IFNGR2: variants seen among roughly 807,000 people sequenced by gnomAD.
The protein encoded by IFNGR2 is IFN-gamma receptor 2.
In IFNGR2, 15 loss-of-function variants were observed where a neutral mutation model predicts 41.1. That is an observed-to-expected ratio of 0.37 (90% CI 0.24 to 0.56). The LOEUF is 0.56. Among genes scored for constraint, IFNGR2 ranks in the 20% least tolerant of loss-of-function variants. The pLI is 0.81. For missense variants in IFNGR2, 362 were observed against 415.7 expected, an observed-to-expected ratio of 0.87 and a Z score of 1.12; for synonymous variants, 161 against 171.6, an observed-to-expected ratio of 0.94 and a Z score of 0.48.
chr21:33,416,498 G>A (rs2123341333), intron 2 of IFNGR2, among the ~76,000 whole-genome samples: 1 of 152,200 alleles, frequency 6.6e-6, no homozygotes, highest in East Asian at 1.9e-4. Flanking sequence ...AATAGAAAGG[G>A]GCCGATCATG....
chr21:33,406,249 G>A (rs997345640), intron 1 of IFNGR2, among the ~76,000 whole-genome samples: 2 of 151,368 alleles, frequency 1.3e-5, no homozygotes, highest in African/African-American at 4.9e-5. Flanking sequence ...GGTGGTTGGC[G>A]CCTGTAATCC....
chr21:33,412,055 C>G (rs942866842), intron 1 of IFNGR2, among the ~76,000 whole-genome samples: 2 of 152,178 alleles, frequency 1.3e-5, no homozygotes, highest in Non-Finnish European at 2.9e-5. Context: ...CCTTGAGCAG[C>G]TGGGACTACA....
rs2083896619 is a variant in IFNGR2, at chr21:33,432,300, T to C, written c.685T>C (p.Leu229=). The C allele has an allele frequency of 1.9e-6, 3 of 1,614,140 alleles. No individual in the cohort carries two copies. The highest frequency in any genetic ancestry group is 2.5e-6 in the Non-Finnish European group (3 of 1,179,960). Residue 229 remains leucine, a synonymous_variant, in exon 5 of 7, where the codon TTA becomes CTA. Coordinates refer to ENST00000290219, the MANE Select transcript of IFNGR2 (RefSeq NM_005534.4). ...NKSNIFRVGH[L]SNISCYETMA... ...AAGTAACATCTTTAGAGTCGGGCAT[T>C]TAAGCAACATATCTTGCTACGAAAC...
At chr21:33,426,685 A>C (rs896258091) in intron 3 of IFNGR2, among the ~76,000 whole-genome samples, 199 bp from the exon 4 acceptor site, 1 of 151,952 alleles carries the variant, frequency 6.6e-6, no homozygotes, top group Non-Finnish European at 1.5e-5. Context: ...GCACAACTGC[A>C]CTCTAGCCTG....
rs117145124 is a variant in IFNGR2 at position 33,429,602 on chromosome 21, G to A, written c.561+2570G>A. 3.0e-4 allele frequency among the ~76,000 whole-genome samples: 46 copies of A among 152,274 alleles called. No individual in the cohort carries two copies. The East Asian group carries it at 8.1e-3, about 27-fold the overall frequency. ...TGAGTCACGCAGGATACACTTCATT[G>A]CTCCACCAGCAAGCTGTGACTGCAC... On this transcript the variant is annotated intron_variant, in intron 4 of 6. Coordinates refer to ENST00000290219, the MANE Select transcript of IFNGR2 (RefSeq NM_005534.4).
intron 2 of IFNGR2, among the ~76,000 whole-genome samples, chr21:33,420,469 G>T (rs964545821): frequency 6.6e-6 from 1 of 152,118 alleles, no homozygotes; most frequent in African/African-American, 2.4e-5. Flanking sequence ...AAGGATGTGT[G>T]GCCATGTATT....
At chr21:33,404,229 A>G (rs1208340346) in intron 1 of IFNGR2, among the ~76,000 whole-genome samples, 2 of 152,224 alleles carry the variant, frequency 1.3e-5, no homozygotes, top group Non-Finnish European at 2.9e-5. Context: ...TTGTAGTAGC[A>G]GCGGTGGAGC....
At chr21:33,420,474 T>A (rs534929560) in intron 2 of IFNGR2, among the ~76,000 whole-genome samples, 2 of 152,244 alleles carry the variant, frequency 1.3e-5, no homozygotes, top group African/African-American at 4.8e-5. Context: ...TGTGTGGCCA[T>A]GTATTTGGCA....
intron 2 of IFNGR2, among the ~76,000 whole-genome samples, chr21:33,417,088 A>G (rs551883503): frequency 6.7e-6 from 1 of 150,306 alleles, no homozygotes; most frequent in Non-Finnish European, 1.5e-5. Context: ...CCCGGTTCAG[A>G]TAACTTCTTT....
intron 2 of IFNGR2, among the ~76,000 whole-genome samples, chr21:33,417,512 G>A (rs746249014): frequency 2.0e-4 from 30 of 152,220 alleles, no homozygotes; most frequent in Non-Finnish European, 3.2e-4. Context: ...TATAAATTAC[G>A]AACATTAAGT....
At chr21:33,425,044 G>T (rs989994458) in intron 3 of IFNGR2, among the ~76,000 whole-genome samples, 2 of 152,130 alleles carry the variant, frequency 1.3e-5, no homozygotes, top group African/African-American at 4.8e-5. Flanking sequence ...TGAGTAGCTG[G>T]GATTACTGGC....
At chr21:33,426,855 G>C (rs367663086) in intron 3 of IFNGR2, 29 bp from the exon 4 acceptor site, 2 of 1,596,546 alleles carry the variant, frequency 1.3e-6, no homozygotes, top group African/African-American at 2.7e-5. Context: ...GTGTATGTGT[G>C]TGGTTTTCTC....
chr21:33,426,636 C>T (rs1304875666), intron 3 of IFNGR2, among the ~76,000 whole-genome samples: 1 of 151,960 alleles, frequency 6.6e-6, no homozygotes, highest in Admixed American at 6.6e-5. Context: ...AAGAGAATTG[C>T]TTGAGCCCGG....
chr21:33,421,436 G>C (rs377068970), intron 2 of IFNGR2, 44 bp from the exon 3 acceptor site: 18 of 1,501,140 alleles, frequency 1.2e-5, no homozygotes, highest in Non-Finnish European at 1.6e-5. Context: ...TATTACACAT[G>C]AAACAGAGAA....
chr21:33,423,564 G>A (rs1442806125), intron 3 of IFNGR2, among the ~76,000 whole-genome samples: 5 of 151,328 alleles, frequency 3.3e-5, no homozygotes, highest in African/African-American at 4.9e-5. Context: ...CACTATGCCC[G>A]TCTAATTTTT....
chr21:33,432,942 A>G, intron 6 of IFNGR2, 71 bp downstream of exon 6: 1 of 1,298,410 alleles, frequency 7.7e-7, no homozygotes, highest in African/African-American at 1.5e-5. Context: ...CGGGAGTGTC[A>G]TGGTACAATC....
rs762306543 is a variant in IFNGR2, at chr21:33,414,881, C to T, written c.74-7C>T. On this transcript the variant is annotated splice_region_variant and splice_polypyrimidine_tract_variant and intron_variant, in intron 1 of 6. Coordinates refer to ENST00000290219, the MANE Select transcript of IFNGR2 (RefSeq NM_005534.4). ...CCTCCCTCTTCTTTTTCTCTGTCCC[C>T]CTCAAGACCCTCTTTCCCAGCTGCC... The T allele has an allele frequency of 1.9e-6, 3 of 1,611,744 alleles. No homozygotes were observed. The South Asian group carries it at 3.3e-5, about 18-fold the overall frequency.
intron 3 of IFNGR2, among the ~76,000 whole-genome samples, 166 bp from the exon 4 acceptor site, chr21:33,426,718 G>A (rs1222234622): frequency 2.0e-5 from 3 of 149,840 alleles, no homozygotes; most frequent in African/African-American, 4.9e-5. Context: ...AAACTGTCTC[G>A]AAAAAATAAT....
At chr21:33,411,006 A>G in intron 1 of IFNGR2, 1 of 796,446 alleles carries the variant, frequency 1.3e-6, no homozygotes, top group Non-Finnish European at 2.1e-6. Context: ...TGTGGCCTGG[A>G]ACACAGAGGC....
Sources: gnomAD v4.1 joint callset for allele counts (sites outside exome capture counted in the v4.1 genomes callset) on GRCh38, gnomAD v4.1.1 for gene constraint, MANE v1.5 for transcripts, NCBI Gene and HGNC (gene_info 2026-07-23, HGNC 2026-07-21) for gene names.